Variants in ATF7 observed in about 807,000 individuals in gnomAD.
ATF7 encodes the protein cyclic AMP-dependent transcription factor ATF-7.
In ATF7, 10 loss-of-function variants were observed where a neutral mutation model predicts 50.4. The observed-to-expected ratio is 0.20, with a 90% CI of 0.12 to 0.34. The LOEUF (loss-of-function observed/expected upper bound fraction) is 0.34, where lower values mean the gene tolerates loss of function less well. Among genes scored for constraint, ATF7 ranks in the 10% least tolerant of loss-of-function variants. The probability of loss-of-function intolerance (pLI) is 1.00; values close to 1 mark genes in which losing one functional copy is unlikely to be tolerated. For synonymous variants in ATF7, 201 were observed against 226.4 expected (o/e 0.89, Z 1.01); for missense variants, 465 against 613.9 (o/e 0.76, Z 2.56).
intron 2 of ATF7, among the ~76,000 whole-genome samples, chr12:53,566,643 G>C (rs1043483958): frequency 7.9e-5 from 12 of 152,174 alleles, no homozygotes; most frequent in African/African-American, 2.7e-4. Flanking sequence ...AGCTAAAAAT[G>C]GTACAGCAGA....
At chr12:53,519,111 C>T (rs559539086) in intron 11 of ATF7, among the ~76,000 whole-genome samples, 1 of 151,992 alleles carries the variant, frequency 6.6e-6, no homozygotes, top group South Asian at 2.1e-4. Flanking sequence ...TCTTTGTTAC[C>T]CTCAGTACAT....
intron 2 of ATF7, among the ~76,000 whole-genome samples, chr12:53,557,347 A>T (rs948401067): frequency 4.0e-5 from 6 of 151,844 alleles, no homozygotes; most frequent in Non-Finnish European, 8.8e-5. Flanking sequence ...GACTACAGGC[A>T]TGCACCACCA....
intron 3 of ATF7, among the ~76,000 whole-genome samples, chr12:53,544,625 G>A (rs1273242328): frequency 6.6e-6 from 1 of 152,090 alleles, no homozygotes. Flanking sequence ...GCAGGTGCCT[G>A]TAGTCCCAGC....
chr12:53,579,244 A>T (rs895710533), intron 2 of ATF7, among the ~76,000 whole-genome samples: 9 of 151,310 alleles, frequency 5.9e-5, no homozygotes, highest in Non-Finnish European at 8.8e-5. Context: ...ACTCCATCTT[A>T]AAAAAAAGGG....
At chr12:53,598,657 GAC>G (rs1237189661) in intron 2 of ATF7, among the ~76,000 whole-genome samples, 1 of 152,188 alleles carries the variant, frequency 6.6e-6, no homozygotes, top group Non-Finnish European at 1.5e-5. Context: ...ACAAATCTGT[GAC>G]ATTTCACAAA....
chr12:53,590,502 C>T (rs556123540), intron 2 of ATF7, among the ~76,000 whole-genome samples: 55 of 152,282 alleles, frequency 3.6e-4, no homozygotes, highest in African/African-American at 1.3e-3. Context: ...TGCTTTTGCT[C>T]AACCCTAATA....
chr12:53,543,402 C>T lies in ATF7; in HGVS notation c.192G>A (p.Val64=), dbSNP rs1168271091. 6.2e-7 allele frequency: 1 copy of T among 1,602,452 alleles called. No individual in the cohort carries two copies. Among genetic ancestry groups the T allele is most frequent in the Non-Finnish European group, 8.5e-7 (1 of 1,173,784 alleles). Reference sequence around the variant, plus strand: ...AGCTAGCTAGTTCATTGAAGAGTCCCACCTCCTCACAGTTCTTCAGGAATC... The same window carrying T: ...AGCTAGCTAGTTCATTGAAGAGTCCTACCTCCTCACAGTTCTTCAGGAATC... ...PTRFLKNCEE[V]GLFNELASSF... Residue 64 remains valine, a synonymous_variant, in exon 4 of 12, where the codon GTG becomes GTA. Transcript: ENST00000420353.
chr12:53,602,594 C>A (rs1299238672), intron 1 of ATF7, among the ~76,000 whole-genome samples: 2 of 152,174 alleles, frequency 1.3e-5, no homozygotes, highest in Non-Finnish European at 2.9e-5. Context: ...GAAAATGATG[C>A]TACAGCACTA....
At chr12:53,573,256 T>C (rs376216265) in intron 2 of ATF7, among the ~76,000 whole-genome samples, 20 of 152,156 alleles carry the variant, frequency 1.3e-4, no homozygotes, top group African/African-American at 1.9e-4. Context: ...TATGTACATA[T>C]AGGGAAACAT....
At chr12:53,595,866 G>C (rs1162949407) in intron 2 of ATF7, among the ~76,000 whole-genome samples, 1 of 152,158 alleles carries the variant, frequency 6.6e-6, no homozygotes, top group Admixed American at 6.5e-5. Flanking sequence ...AAGATATGAA[G>C]AGAATTTCAA....
intron 11 of ATF7, among the ~76,000 whole-genome samples, chr12:53,521,825 C>T (rs1427746167): frequency 6.6e-6 from 1 of 152,084 alleles, no homozygotes; most frequent in Non-Finnish European, 1.5e-5. Flanking sequence ...ATAGACATTC[C>T]ATCAATATCT....
At chr12:53,625,831 C>T (rs1944582886) in intron 1 of ATF7, 1 of 152,306 alleles carries the variant, frequency 6.6e-6, no homozygotes, top group Admixed American at 6.5e-5. Context: ...TAGTATCCCT[C>T]CTCTTTCTCC....
rs111427315 is a variant in ATF7, at chr12:53,612,392, T to C, written c.-21-11371A>G. On this transcript the variant is annotated intron_variant, in intron 1 of 11. Transcript: ENST00000420353. ...ACTTCCACCTCCCGGGTTCAAGCGA[T>C]TCTCCTGAGTAGCTGGGACTACAGG... 4.3e-3 allele frequency among the ~76,000 whole-genome samples: 656 copies of C among 152,238 alleles called. 11 individuals carry two copies. Among genetic ancestry groups the C allele is most frequent in the South Asian group, 0.04 (194 of 4,830 alleles).
Position 53,523,133 on chromosome 12 carries a change from G to A in ATF7, c.1234+143C>T, listed in dbSNP as rs1057404596. 9 of 614,020 alleles carry A rather than the reference G, an allele frequency of 1.5e-5. No homozygotes were observed. The Middle Eastern group carries it at 1.3e-3, about 91-fold the overall frequency. The allele number at this position is 614,020 out of a possible 1,614,324, so 38.0% of individuals were successfully genotyped here. A position where few individuals can be genotyped will look rare whatever the true frequency, so the allele number is the denominator to read the frequency against. ...ACAAAAACATTTTTTTTCTAGGTCT[G>A]GTTGCTCCACAAGGGCCACTCACTC... On this transcript the variant is annotated intron_variant, in intron 11 of 11. Coordinates refer to ENST00000420353, the MANE Select transcript of ATF7 (RefSeq NM_006856.3).
At chr12:53,618,702 A>ATT (rs35373768) in intron 1 of ATF7, among the ~76,000 whole-genome samples, 27,682 of 151,608 alleles carry the variant, frequency 0.18, 3,052 homozygotes, top group East Asian at 0.55. Context: ...ATAAATGGCA[A>ATT]TTGTGTGTGT....
intron 11 of ATF7, among the ~76,000 whole-genome samples, chr12:53,517,906 C>A (rs1018522113): frequency 1.3e-5 from 2 of 151,994 alleles, no homozygotes; most frequent in African/African-American, 4.8e-5. Flanking sequence ...GCTCTGTTGC[C>A]CAGGCTGGAG....
At chr12:53,571,479 T>C (rs962705272) in intron 2 of ATF7, among the ~76,000 whole-genome samples, 3 of 151,820 alleles carry the variant, frequency 2.0e-5, no homozygotes, top group African/African-American at 7.3e-5. Context: ...ATTATACCCA[T>C]AACCACAAAC....
Position 53,615,410 on chromosome 12 carries a change from G to T in ATF7, c.-22+10869C>A, listed in dbSNP as rs373252929. On this transcript the variant is annotated intron_variant, in intron 1 of 11. Coordinates refer to ENST00000420353, the MANE Select transcript of ATF7 (RefSeq NM_006856.3). Reference sequence around the variant, plus strand: ...AAAAAAAGAAAAGAAAAATAAAAAAGAAAATGCTGCTACAGGAGTCATGTT... The same window carrying T: ...AAAAAAAGAAAAGAAAAATAAAAAATAAAATGCTGCTACAGGAGTCATGTT... Among the ~76,000 whole-genome samples, 41 of 152,014 alleles carry T rather than the reference G, an allele frequency of 2.7e-4. 1 individual carries two copies. In the South Asian group the frequency reaches 7.7e-3, roughly 28 times the overall value.
At chr12:53,582,339 A>C (rs1272937480) in intron 2 of ATF7, among the ~76,000 whole-genome samples, 1 of 151,058 alleles carries the variant, frequency 6.6e-6, no homozygotes, top group Non-Finnish European at 1.5e-5. Flanking sequence ...AAAAAAAAAA[A>C]AAAAACCTAC....
Sources: gnomAD v4.1 joint callset for allele counts (sites outside exome capture counted in the v4.1 genomes callset) on GRCh38, gnomAD v4.1.1 for gene constraint, MANE v1.5 for transcripts, NCBI Gene and HGNC (gene_info 2026-07-23, HGNC 2026-07-21) for gene names.